Variants in MTUS2 observed in about 807,000 individuals in gnomAD.
MTUS2 encodes microtubule-associated tumor suppressor candidate 2.
In MTUS2, 40 loss-of-function variants were observed where a neutral mutation model predicts 114.1. The observed-to-expected ratio is 0.35, with a 90% confidence interval of 0.27 to 0.46. The LOEUF (loss-of-function observed/expected upper bound fraction) is 0.46, where lower values mean the gene tolerates loss of function less well. Among genes scored for constraint, MTUS2 ranks in the 20% least tolerant of loss-of-function variants. The pLI is 1.00. For missense variants in MTUS2, 1,679 were observed against 1,705.4 expected, an observed-to-expected ratio of 0.98 and a Z score of 0.27; for synonymous variants, 688 against 672.0, an observed-to-expected ratio of 1.02 and a Z score of -0.37.
chr13:29,063,286 T>C (rs1198210896), intron 4 of MTUS2, among the ~76,000 whole-genome samples: 1 of 152,218 alleles, frequency 6.6e-6, no homozygotes, highest in African/African-American at 2.4e-5. Flanking sequence ...TGTCAGGATG[T>C]AATTTGTGCA....
intron 2 of MTUS2, among the ~76,000 whole-genome samples, chr13:28,971,128 A>G (rs1883837111): frequency 6.6e-6 from 1 of 152,174 alleles, no homozygotes; most frequent in African/African-American, 2.4e-5. Flanking sequence ...TTGGTGTTGG[A>G]TTTGGGATTT....
At chr13:29,128,089 TAGA>T (rs1029613731) in intron 5 of MTUS2, among the ~76,000 whole-genome samples, 14 of 152,118 alleles carry the variant, frequency 9.2e-5, no homozygotes, top group African/African-American at 3.4e-4. Flanking sequence ...AAGAAGGCAG[TAGA>T]AGAAGAGACA....
At position 28,857,062 on chromosome 13, in the gene MTUS2, T is replaced by C. The variant is rs7337501; in HGVS notation, c.-243+17212T>C. On this transcript the variant is annotated intron_variant, in intron 2 of 15. Coordinates refer to ENST00000612955, the MANE Select transcript of MTUS2 (RefSeq NM_001033602.4). ...GCTGGTGTTTCCTGAAGGGGCTGAT[T>C]GCCCATTTGCCTGGTTTACCTGGCA... Among the ~76,000 whole-genome samples the C allele has an allele frequency of 8.8e-3, 1,337 of 152,352 alleles. 20 individuals carry two copies. Among genetic ancestry groups the C allele is most frequent in the African/African-American group, 0.031 (1,275 of 41,582 alleles).
chr13:28,970,938 C>T (rs756935875), intron 2 of MTUS2, among the ~76,000 whole-genome samples: 8 of 152,186 alleles, frequency 5.3e-5, no homozygotes, highest in African/African-American at 1.7e-4. Flanking sequence ...GAGGCATCCA[C>T]GTGGTATTTT....
intron 2 of MTUS2, among the ~76,000 whole-genome samples, chr13:28,996,839 C>T (rs1018700604): frequency 3.3e-5 from 5 of 152,028 alleles, no homozygotes; most frequent in African/African-American, 9.7e-5. Context: ...TTGATCTTTT[C>T]AAAAAACCAG....
In MTUS2 at chr13:29,480,482, A is replaced by G. The variant is rs1014955977; in HGVS notation, c.3399+118A>G. ...AGTAGGTGAGCTTTCTGAACAGTTC[A>G]CTTTCTGAGTTGCTTTCTCCTTTCT... is the stretch of plus-strand genomic sequence containing the variant. On this transcript the variant is annotated intron_variant, in intron 10 of 15. Transcript: ENST00000612955. The surrounding 1 kb of genome is among the most constrained non-coding windows in gnomAD (Gnocchi z 4.4). 1 of 1,125,082 alleles carries G rather than the reference A, an allele frequency of 8.9e-7. No individual in the cohort carries two copies. Among genetic ancestry groups the G allele is most frequent in the African/African-American group, 1.6e-5 (1 of 63,702 alleles). 69.7% of individuals were successfully genotyped at this position (1,125,082 alleles called of 1,614,324 possible). A position where few individuals can be genotyped will look rare whatever the true frequency, so the allele number is the denominator to read the frequency against.
At chr13:28,975,750 T>G (rs1884065155) in intron 2 of MTUS2, among the ~76,000 whole-genome samples, 2 of 152,238 alleles carry the variant, frequency 1.3e-5, no homozygotes, top group South Asian at 4.1e-4. Flanking sequence ...GTGAGGAAAC[T>G]GAGGCACAGG....
intron 5 of MTUS2, among the ~76,000 whole-genome samples, chr13:29,145,999 T>C (rs1892419035): frequency 1.3e-5 from 2 of 152,248 alleles, no homozygotes; most frequent in Non-Finnish European, 2.9e-5. Flanking sequence ...ATGTGCCTAC[T>C]ATTGTTATAT....
At chr13:29,046,022 C>G (rs1887598301) in intron 4 of MTUS2, among the ~76,000 whole-genome samples, 1 of 152,110 alleles carries the variant, frequency 6.6e-6, no homozygotes, top group Admixed American at 6.6e-5. Context: ...GTTCCCCATC[C>G]CAGTCCCCGT....
chr13:29,367,351 C>G (rs536162222), intron 8 of MTUS2, among the ~76,000 whole-genome samples: 21 of 152,148 alleles, frequency 1.4e-4, no homozygotes, highest in African/African-American at 5.1e-4. Flanking sequence ...GGTGAAGAGT[C>G]TAATTTGCCT....
chr13:29,467,968 T>G (rs1019583932), intron 9 of MTUS2, among the ~76,000 whole-genome samples: 2 of 151,712 alleles, frequency 1.3e-5, no homozygotes, highest in Admixed American at 1.3e-4. Flanking sequence ...ATACAAAAAT[T>G]AGCCAGGTGT....
intron 2 of MTUS2, among the ~76,000 whole-genome samples, chr13:28,926,880 A>T (rs1881356105): frequency 6.6e-6 from 1 of 152,220 alleles, no homozygotes; most frequent in Non-Finnish European, 1.5e-5. Context: ...AAATAATAAT[A>T]GTTAAAAAAT....
chr13:29,077,200 A>G (rs1381760141), intron 4 of MTUS2, among the ~76,000 whole-genome samples: 1 of 152,182 alleles, frequency 6.6e-6, no homozygotes, highest in African/African-American at 2.4e-5. Context: ...CTAATACTAC[A>G]GAGTTGTGTT....
At chr13:29,180,465 G>A (rs1279747655) in intron 5 of MTUS2, among the ~76,000 whole-genome samples, 1 of 152,156 alleles carries the variant, frequency 6.6e-6, no homozygotes, top group Non-Finnish European at 1.5e-5. Flanking sequence ...ATCTTACATA[G>A]GCAAATCTTA....
chr13:28,997,733 C>T (rs1161394435), intron 2 of MTUS2, among the ~76,000 whole-genome samples: 1 of 151,792 alleles, frequency 6.6e-6, no homozygotes, highest in African/African-American at 2.4e-5. Context: ...CTTTGTTTTC[C>T]ATTTGCTTGG....
In MTUS2 at chr13:29,027,554, C is replaced by G. The variant is rs1481692304; in HGVS notation, c.2205+651C>G. On this transcript the variant is annotated intron_variant, in intron 3 of 15. Coordinates refer to ENST00000612955, the MANE Select transcript of MTUS2 (RefSeq NM_001033602.4). ...TTTTGTTTGTTTATGTTTTTTTTGG[C>G]TTTTTCTTTGTTTTTGAGATGAAGT... is the stretch of plus-strand genomic sequence containing the variant. 2.0e-5 allele frequency among the ~76,000 whole-genome samples: 3 copies of G among 151,778 alleles called. No individual in the cohort carries two copies. The East Asian group carries it at 5.8e-4, about 29-fold the overall frequency.
intron 2 of MTUS2, among the ~76,000 whole-genome samples, chr13:28,994,662 C>T (rs897412535): frequency 3.7e-4 from 56 of 152,270 alleles, no homozygotes; most frequent in African/African-American, 1.2e-3. Flanking sequence ...TGATGGTGAA[C>T]GTTTTTTCAT....
At chr13:29,212,621 C>T (rs1431900479) in intron 5 of MTUS2, among the ~76,000 whole-genome samples, 6 of 152,172 alleles carry the variant, frequency 3.9e-5, no homozygotes, top group African/African-American at 1.4e-4. Context: ...AATAACAGCT[C>T]ACAGAACTCA....
At chr13:29,414,900 A>G (rs1305739673) in intron 8 of MTUS2, among the ~76,000 whole-genome samples, 1 of 150,008 alleles carries the variant, frequency 6.7e-6, no homozygotes, top group Non-Finnish European at 1.5e-5. Context: ...TTACTTTTTT[A>G]TATTTTACTT....
Sources: allele counts gnomAD v4.1 joint callset (sites outside exome capture counted in the v4.1 genomes callset), GRCh38; gene constraint gnomAD v4.1.1; non-coding constraint Gnocchi (gnomAD v3.1); transcripts MANE v1.5; gene names NCBI Gene and HGNC (gene_info 2026-07-23, HGNC 2026-07-21).